The following CCPG1 variants were observed in gnomAD, a reference collection of about 807,000 sequenced individuals.
CCPG1 encodes cell cycle progression protein 1.
CCPG1 carries 46 observed loss-of-function variants against 81.3 expected under a neutral mutation model. The observed-to-expected ratio is 0.57, with a 90% CI of 0.45 to 0.72. The LOEUF is 0.72. Ranked by LOEUF, CCPG1 falls within the 30% of genes least tolerant of loss-of-function variation. The pLI, the probability that CCPG1 is intolerant of heterozygous loss-of-function variation, is 0.00. For missense variants in CCPG1, 902 were observed against 937.6 expected, an observed-to-expected ratio of 0.96 and a Z score of 0.50; for synonymous variants, 330 against 305.2, an observed-to-expected ratio of 1.08 and a Z score of -0.85.
intron 8 of CCPG1, chr15:55,356,700 T>A (rs2056084174): frequency 9.2e-7 from 1 of 1,090,636 alleles, no homozygotes; most frequent in African/African-American, 1.6e-5. Flanking sequence ...GTTTCCATTA[T>A]TTTTCCTCCT....
intron 1 of CCPG1, among the ~76,000 whole-genome samples, chr15:55,406,436 C>CTTTTTTTTTTTTG (rs2057222199): frequency 7.9e-6 from 1 of 126,274 alleles, no homozygotes; most frequent in African/African-American, 3.0e-5. Flanking sequence ...TTCTTTTTCT[C>CTTTTTTTTTTTTG]TTTTTTTTTT....
chr15:55,404,829 C>T (rs189434035), intron 1 of CCPG1, among the ~76,000 whole-genome samples: 6 of 152,146 alleles, frequency 3.9e-5, no homozygotes, highest in East Asian at 3.9e-4. Context: ...GCCAGCACTT[C>T]GGGAGGCCCA....
intron 1 of CCPG1, chr15:55,398,077 C>G (rs2057056689): frequency 6.6e-6 from 1 of 152,064 alleles, no homozygotes; most frequent in Admixed American, 6.6e-5. Context: ...ATAAAGTAGG[C>G]GTCTGGAGAC....
intron 8 of CCPG1, chr15:55,358,879 T>C (rs1170198188): frequency 4.1e-6 from 4 of 964,568 alleles, no homozygotes; most frequent in Non-Finnish European, 3.7e-6. Flanking sequence ...AAAGATTAAG[T>C]ATTTCAAAGG....
intron 2 of CCPG1, among the ~76,000 whole-genome samples, chr15:55,387,331 A>T (rs949320086): frequency 3.9e-5 from 6 of 152,204 alleles, no homozygotes; most frequent in African/African-American, 9.6e-5. Flanking sequence ...AGAAGTTGCT[A>T]TGGGAGTTGA....
At chr15:55,373,971 T>A (rs1473885836) in intron 5 of CCPG1, among the ~76,000 whole-genome samples, 1 of 152,250 alleles carries the variant, frequency 6.6e-6, no homozygotes, top group Non-Finnish European at 1.5e-5. Context: ...AAGCTTAATT[T>A]GGCCCATAGA....
At chr15:55,371,647 T>G in intron 6 of CCPG1, 146 bp downstream of exon 6, 1 of 712,138 alleles carries the variant, frequency 1.4e-6, no homozygotes, top group Non-Finnish European at 2.3e-6. Flanking sequence ...ACTTCCCGAA[T>G]GAGAAAACTG....
chr15:55,369,736 T>C (rs1300091988), intron 6 of CCPG1, among the ~76,000 whole-genome samples: 3 of 152,234 alleles, frequency 2.0e-5, no homozygotes, highest in African/African-American at 7.2e-5. Context: ...ATTTTACTAA[T>C]AACCAAAATC....
At chr15:55,369,487 A>G (rs1482123679) in intron 6 of CCPG1, among the ~76,000 whole-genome samples, 1 of 151,886 alleles carries the variant, frequency 6.6e-6, no homozygotes, top group East Asian at 1.9e-4. Context: ...GTGAGCCGAG[A>G]TCACGCACTG....
chr15:55,399,531 G>A (rs2057086601), intron 1 of CCPG1, among the ~76,000 whole-genome samples: 1 of 151,796 alleles, frequency 6.6e-6, no homozygotes, highest in South Asian at 2.1e-4. Flanking sequence ...AGAGATTAAA[G>A]TGAGCCAAGA....
chr15:55,393,147 A>G (rs2056954614), intron 1 of CCPG1, among the ~76,000 whole-genome samples: 1 of 152,174 alleles, frequency 6.6e-6, no homozygotes, highest in Non-Finnish European at 1.5e-5. Context: ...GCATATATTA[A>G]GATGGCAGGG....
chr15:55,362,060 G>A (rs963389306), intron 7 of CCPG1, among the ~76,000 whole-genome samples: 13 of 152,008 alleles, frequency 8.6e-5, no homozygotes, highest in Admixed American at 8.5e-4. Context: ...TGGTCAATTC[G>A]GCTTATAGAA....
intron 1 of CCPG1, among the ~76,000 whole-genome samples, chr15:55,400,993 T>C (rs2057118486): frequency 6.6e-6 from 1 of 152,242 alleles, no homozygotes; most frequent in Non-Finnish European, 1.5e-5. Flanking sequence ...GTGTCCTTTA[T>C]AGTATCTAGA....
intron 1 of CCPG1, among the ~76,000 whole-genome samples, chr15:55,396,055 G>C (rs143073222): frequency 5.5e-4 from 83 of 151,670 alleles, no homozygotes; most frequent in African/African-American, 1.9e-3. Flanking sequence ...TCAGGAGCCT[G>C]AGTCAGGAGA....
chr15:55,388,868 C>T (rs1485277775), intron 2 of CCPG1, among the ~76,000 whole-genome samples: 2 of 151,420 alleles, frequency 1.3e-5, no homozygotes, highest in Non-Finnish European at 2.9e-5. Flanking sequence ...CAGGAGTTTA[C>T]GATCAGCCTG....
chr15:55,377,013 A>G lies in CCPG1; in HGVS notation c.390T>C (p.Ser130=). The G allele has an allele frequency of 6.2e-7, 1 of 1,613,846 alleles. No individual in the cohort carries two copies. The highest frequency in any genetic ancestry group is 8.5e-7 in the Non-Finnish European group (1 of 1,179,970). ...AAGAGCCCATGTTAAAGTCTTCTGAACTCTGTGCTTCTTCAACAATGACAA... is the reference window on the plus strand; with the variant it reads ...AAGAGCCCATGTTAAAGTCTTCTGAGCTCTGTGCTTCTTCAACAATGACAA... ...QEVVIVEEAQ[S]SEDFNMGSSS... is the part of the protein sequence containing the mutation. The change falls in exon 5 of 9, where the codon AGT becomes AGC. Residue 130 remains serine, a synonymous_variant. Coordinates refer to ENST00000442196, the MANE Select transcript of CCPG1 (RefSeq NM_001204450.2).
At chr15:55,368,562 T>C (rs1420050878) in intron 6 of CCPG1, among the ~76,000 whole-genome samples, 1 of 152,198 alleles carries the variant, frequency 6.6e-6, no homozygotes, top group Non-Finnish European at 1.5e-5. Flanking sequence ...ACCAAATCAA[T>C]TGAACTCCAT....
intron 6 of CCPG1, among the ~76,000 whole-genome samples, chr15:55,366,162 C>T (rs778600555): frequency 6.6e-6 from 1 of 152,034 alleles, no homozygotes; most frequent in Non-Finnish European, 1.5e-5. Flanking sequence ...ATGTAATGTT[C>T]TTATCTTACT....
intron 5 of CCPG1, among the ~76,000 whole-genome samples, chr15:55,376,156 G>C (rs751471844): frequency 3.3e-5 from 5 of 152,158 alleles, no homozygotes; most frequent in Non-Finnish European, 7.4e-5. Flanking sequence ...GAAATTTTTA[G>C]AATCACTAGC....
Sources: gnomAD v4.1 joint callset for allele counts (sites outside exome capture counted in the v4.1 genomes callset) on GRCh38, gnomAD v4.1.1 for gene constraint, MANE v1.5 for transcripts, NCBI Gene and HGNC (gene_info 2026-07-23, HGNC 2026-07-21) for gene names.